The following FRY variants were observed in gnomAD, a reference collection of about 807,000 sequenced individuals.
FRY encodes protein furry homolog.
FRY carries 128 observed loss-of-function variants against 348.4 expected under a neutral mutation model. That is an observed-to-expected ratio of 0.37 (90% confidence interval 0.32 to 0.43). The LOEUF (loss-of-function observed/expected upper bound fraction) is 0.43. FRY is among the 20% of genes least tolerant of loss of function. The probability of loss-of-function intolerance (pLI) is 1.00; values close to 1 mark genes in which losing one functional copy is unlikely to be tolerated. For synonymous variants in FRY, 1,370 were observed against 1,374.7 expected (o/e 1.00, Z 0.08); for missense variants, 2,736 against 3,695.2 (o/e 0.74, Z 6.73).
chr13:32,248,952 G>A (rs541968149), intron 48 of FRY, among the ~76,000 whole-genome samples: 83 of 152,328 alleles, frequency 5.4e-4, no homozygotes, highest in African/African-American at 1.8e-3. Context: ...ATGAGCTGGT[G>A]TCTGCAGAGG....
At chr13:32,266,884 T>C (rs534262783) in intron 54 of FRY, among the ~76,000 whole-genome samples, 1 of 152,180 alleles carries the variant, frequency 6.6e-6, no homozygotes, top group African/African-American at 2.4e-5. Flanking sequence ...CTCTGGTGAC[T>C]GAGGCACGAG....
intron 19 of FRY, among the ~76,000 whole-genome samples, chr13:32,174,098 A>G (rs1261167797): frequency 6.6e-6 from 1 of 152,236 alleles, no homozygotes; most frequent in African/African-American, 2.4e-5. Context: ...TGTTCAGAGA[A>G]AACACTTATT....
At chr13:32,119,970 C>G (rs1332811555) in intron 4 of FRY, among the ~76,000 whole-genome samples, 1 of 152,150 alleles carries the variant, frequency 6.6e-6, no homozygotes, top group African/African-American at 2.4e-5. Context: ...ACAGAGCACT[C>G]CAGAAGGTCT....
At chr13:32,128,652 T>C (rs1011142050) in intron 7 of FRY, among the ~76,000 whole-genome samples, 6 of 152,238 alleles carry the variant, frequency 3.9e-5, no homozygotes, top group African/African-American at 1.4e-4. Context: ...TTCCAATCTG[T>C]TTCTTTATTT....
chr13:32,068,725 G>C (rs1413838467), intron 1 of FRY, among the ~76,000 whole-genome samples: 1 of 152,212 alleles, frequency 6.6e-6, no homozygotes, highest in East Asian at 1.9e-4. Context: ...AAATGGTTTT[G>C]AGAGAACATA....
chr13:32,102,151 C>T lies in FRY; in HGVS notation c.324+135C>T, dbSNP rs912460864. 3 of 661,996 alleles carry T rather than the reference C, an allele frequency of 4.5e-6. No individual in the cohort carries two copies. The Admixed American group carries it at 6.8e-5, about 15-fold the overall frequency. 41.0% of individuals were successfully genotyped at this position (661,996 alleles called of 1,614,324 possible). On this transcript the variant is annotated intron_variant, in intron 3 of 60. Transcript: ENST00000542859. ...TGGGTATGTGGTCTTAAGAACTGTA[C>T]CCTGCAGTTTTCATGGTTGTGGTTT...
At chr13:32,105,795 G>A (rs74046715) in intron 3 of FRY, among the ~76,000 whole-genome samples, 17,277 of 152,060 alleles carry the variant, frequency 0.11, 1,130 homozygotes, top group African/African-American at 0.17. Context: ...TTTGTATCAA[G>A]TTCTTTCTTC....
At chr13:32,074,173 C>G (rs1182735387) in intron 1 of FRY, among the ~76,000 whole-genome samples, 1 of 152,072 alleles carries the variant, frequency 6.6e-6, no homozygotes, top group African/African-American at 2.4e-5. Context: ...AAGGAATGGG[C>G]CCTGCTTAAT....
intron 1 of FRY, among the ~76,000 whole-genome samples, chr13:32,077,391 C>A (rs1243403553): frequency 2.6e-5 from 4 of 152,010 alleles, no homozygotes; most frequent in Admixed American, 6.6e-5. Context: ...GGATAGGATG[C>A]GGCCAGGGGG....
chr13:32,151,773 T>C lies in FRY; in HGVS notation c.1479+1939T>C, dbSNP rs139191989. ...TTCTCTGTTTTTCCTTGACCTAAAA[T>C]AACCTGAAGTCGGAGGTCTTATGTA... On this transcript the variant is annotated intron_variant, in intron 14 of 60. Transcript: ENST00000542859. 2.6e-3 allele frequency among the ~76,000 whole-genome samples: 403 copies of C among 152,242 alleles called. No homozygotes were observed. The Middle Eastern group carries it at 0.031, about 12-fold the overall frequency.
intron 3 of FRY, among the ~76,000 whole-genome samples, chr13:32,103,961 G>GA (rs71674834): frequency 8.9e-4 from 131 of 146,804 alleles, no homozygotes; most frequent in African/African-American, 2.6e-3. Flanking sequence ...ACCGCATCTC[G>GA]AAAAAAAAAA....
chr13:32,100,221 C>T (rs1877062820), intron 2 of FRY, among the ~76,000 whole-genome samples: 1 of 151,874 alleles, frequency 6.6e-6, no homozygotes, highest in African/African-American at 2.4e-5. Flanking sequence ...GCTGGGATTA[C>T]GGGCACACAC....
chr13:32,238,267 G>T (rs1886318083), intron 44 of FRY, among the ~76,000 whole-genome samples: 1 of 151,198 alleles, frequency 6.6e-6, no homozygotes, highest in Non-Finnish European at 1.5e-5. Context: ...GGTGCTGTTA[G>T]TTTATTCCAT....
intron 20 of FRY, among the ~76,000 whole-genome samples, chr13:32,177,728 G>A (rs1882456628): frequency 1.3e-5 from 2 of 152,134 alleles, no homozygotes; most frequent in African/African-American, 4.8e-5. Context: ...TTCAGTGTAA[G>A]GAAAGATAGA....
intron 3 of FRY, among the ~76,000 whole-genome samples, chr13:32,105,964 T>C (rs1051504913): frequency 6.6e-6 from 1 of 151,418 alleles, no homozygotes; most frequent in East Asian, 1.9e-4. Flanking sequence ...TGTAATACTT[T>C]ATAGTTTACC....
intron 58 of FRY, among the ~76,000 whole-genome samples, chr13:32,285,485 C>T (rs1566195650): frequency 6.6e-6 from 1 of 152,158 alleles, no homozygotes; most frequent in Non-Finnish European, 1.5e-5. Context: ...CTGTTTTGTG[C>T]CCTGAGAGCT....
At chr13:32,147,235 A>T (rs375811977) in intron 11 of FRY, 47 bp from the exon 12 acceptor site, 49 of 1,141,236 alleles carry the variant, frequency 4.3e-5, no homozygotes, top group Non-Finnish European at 5.7e-5. Flanking sequence ...AGAACCTCAG[A>T]CCTCACTATT....
Position 32,239,864 on chromosome 13 carries a change from G to T in FRY, c.6670G>T (p.Val2224Phe). Residue 2224 changes from valine (V) to phenylalanine (F), a missense_variant, in exon 46 of 61, where the codon GTT (valine) becomes TTT (phenylalanine). By Grantham distance (50) the Val-to-Phe change is conservative. This residue lies in a region of FRY where 789 missense variants were observed against 996.2 expected (regional missense o/e 0.79). Transcript: ENST00000542859. This position sits in a 1 kb window ranked among gnomAD's most constrained non-coding sequence, Gnocchi z 4.3. ...ATATGCTGACATTACCTTGAATATG[G>T]TTACCTACCTGGCAGAGGTAAGCTT... is the stretch of plus-strand genomic sequence containing the variant. ...EAYADITLNM[V>F]TYLAELLEKG... The T allele has an allele frequency of 1.9e-6, 3 of 1,613,814 alleles. No homozygotes were observed. Among genetic ancestry groups the T allele is most frequent in the South Asian group, 2.2e-5 (2 of 91,042 alleles).
At chr13:32,148,815 C>T (rs951071356) in intron 13 of FRY, among the ~76,000 whole-genome samples, 20 of 152,272 alleles carry the variant, frequency 1.3e-4, no homozygotes, top group Admixed American at 3.9e-4. Flanking sequence ...TGCTACTTCA[C>T]AGATGATTTG....
Sources: gnomAD v4.1 joint callset for allele counts (sites outside exome capture counted in the v4.1 genomes callset) on GRCh38, gnomAD v4.1.1 for gene constraint, gnomAD v4.1.1 regional missense constraint, Gnocchi (gnomAD v3.1) non-coding constraint, MANE v1.5 for transcripts, NCBI Gene and HGNC (gene_info 2026-07-23, HGNC 2026-07-21) for gene names.